AGO1: variants seen among roughly 807,000 people sequenced by gnomAD.
The protein encoded by AGO1 is protein argonaute-1.
AGO1 carries 11 observed loss-of-function variants against 109.2 expected under a neutral mutation model. That is an observed-to-expected ratio of 0.10 (90% CI 0.06 to 0.17). The LOEUF (loss-of-function observed/expected upper bound fraction) is 0.17. Among genes scored for constraint, AGO1 ranks in the 10% least tolerant of loss-of-function variants. AGO1 has a pLI of 1.00. For missense variants in AGO1, 574 were observed against 1,140.3 expected (o/e 0.50, Z 7.15); for synonymous variants, 422 against 418.6 (o/e 1.01, Z -0.10).
At position 35,925,529 on chromosome 1, in the gene AGO1, T is replaced by C. The variant is rs1253996075; in HGVS notation, c.*5922T>C. On this transcript the variant is annotated 3_prime_UTR_variant, in exon 19 of 19. Transcript: ENST00000373204. ...AGGAGCAGAAGCTATATTCTCTTCA[T>C]TTTTGTCATCTCAGGGTCATGGCAT... 2 of 151,276 alleles carry C rather than the reference T, an allele frequency of 1.3e-5. No individual in the cohort carries two copies. The highest frequency in any genetic ancestry group is 4.9e-5 in the African/African-American group (2 of 41,064). The allele number at this position is 151,276 out of a possible 1,614,324, so 9.4% of individuals were successfully genotyped here.
rs138414646 is a variant in AGO1 at position 35,890,432 on chromosome 1, G to A, written c.209+1822G>A. ...CAAAACATAGGGTTCTTTATACATT[G>A]TTCTATACTTTGCATTTTTCCACTT... On this transcript the variant is annotated intron_variant, in intron 2 of 18. Coordinates refer to ENST00000373204, the MANE Select transcript of AGO1 (RefSeq NM_012199.5). Among the ~76,000 whole-genome samples the A allele has an allele frequency of 1.8e-4, 27 of 152,146 alleles. No homozygotes were observed. In the East Asian group the frequency reaches 5.2e-3, roughly 29 times the overall value.
At chr1:35,880,158 T>C (rs2148704801), upstream of AGO1, among the ~76,000 whole-genome samples, 1 of 152,266 alleles carries the variant, frequency 6.6e-6, no homozygotes, top group South Asian at 2.1e-4. Context: ...AGGACAGCAG[T>C]GTATCTGATA....
Position 35,883,471 on chromosome 1 carries a change from G to T in AGO1, c.25+25G>T, listed in dbSNP as rs777980923. 3 of 1,551,406 alleles carry T rather than the reference G, an allele frequency of 1.9e-6. No individual in the cohort carries two copies. Among genetic ancestry groups the T allele is most frequent in the East Asian group, 2.6e-5 (1 of 38,458 alleles). ...GGTAAGGGTCCCCAGGAGGGGGAAC[G>T]GTGCATGCTCCAAGGACTGGGGGAT... On this transcript the variant is annotated intron_variant, in intron 1 of 18. Coordinates refer to ENST00000373204, the MANE Select transcript of AGO1 (RefSeq NM_012199.5). The surrounding 1 kb of genome is among the most constrained non-coding windows in gnomAD (Gnocchi z 5.4).
At chr1:35,878,544 C>A (rs1645010183), upstream of AGO1, among the ~76,000 whole-genome samples, 1 of 152,156 alleles carries the variant, frequency 6.6e-6, no homozygotes, top group Admixed American at 6.5e-5. Context: ...CTGGGGCACA[C>A]TACATGGGGA....
upstream of AGO1, chr1:35,882,870 T>G: frequency 1.0e-6 from 1 of 985,338 alleles, no homozygotes; most frequent in Non-Finnish European, 1.2e-6. This position sits in a 1 kb window ranked among gnomAD's most constrained non-coding sequence, Gnocchi z 5.1. Context: ...CCAGGGGGTC[T>G]GGGAATGAAG....
At chr1:35,913,482 G>A (rs768112862) in intron 12 of AGO1, among the ~76,000 whole-genome samples, 22 of 151,956 alleles carry the variant, frequency 1.4e-4, no homozygotes, top group Non-Finnish European at 3.1e-4. Flanking sequence ...GTGCATTTTT[G>A]CATGTTGTTC....
intron 8 of AGO1, among the ~76,000 whole-genome samples, chr1:35,898,260 CTTT>C (rs1428721236): frequency 7.0e-6 from 1 of 143,202 alleles, no homozygotes. Flanking sequence ...TGTTTAACAT[CTTT>C]TTTTTTTTTT....
chr1:35,887,465 C>A (rs957592366), intron 1 of AGO1, among the ~76,000 whole-genome samples: 21 of 152,234 alleles, frequency 1.4e-4, no homozygotes, highest in Non-Finnish European at 2.8e-4. Flanking sequence ...CTGGATCTGG[C>A]CTTACCCTAT....
chr1:35,911,872 T>C (rs1254149366), intron 12 of AGO1, among the ~76,000 whole-genome samples: 1 of 152,206 alleles, frequency 6.6e-6, no homozygotes, highest in Non-Finnish European at 1.5e-5. Flanking sequence ...GACCACTTGC[T>C]CCTTCTTGAA....
Position 35,895,293 on chromosome 1 carries a change from G to A in AGO1, c.1020+24G>A, listed in dbSNP as rs1645298173. On this transcript the variant is annotated intron_variant, in intron 8 of 18. Coordinates refer to ENST00000373204, the MANE Select transcript of AGO1 (RefSeq NM_012199.5). ...AGGTGAGATTGCCAAGTAATGGCTG[G>A]GGAATAGGCATTGTATATACCTGCA... 2.5e-6 allele frequency: 4 copies of A among 1,606,634 alleles called. No individual in the cohort carries two copies. The South Asian group carries it at 3.3e-5, about 13-fold the overall frequency.
chr1:35,902,179 A>G (rs595961), intron 10 of AGO1, 25 bp from the exon 11 acceptor site: 337,773 of 1,607,214 alleles, frequency 0.21, 62,328 homozygotes, highest in East Asian at 0.79. Flanking sequence ...AGGCTCACCT[A>G]GGCGCCCCCT....
chr1:35,911,972 ATCT>A (rs1254334847), intron 12 of AGO1, among the ~76,000 whole-genome samples: 3 of 152,054 alleles, frequency 2.0e-5, no homozygotes, highest in Non-Finnish European at 2.9e-5. Flanking sequence ...TTGCTGACTC[ATCT>A]TCTTGTTCTG....
intron 8 of AGO1, among the ~76,000 whole-genome samples, chr1:35,900,499 G>A (rs75964625): frequency 0.088 from 13,368 of 151,980 alleles, 2,035 homozygotes; most frequent in East Asian, 0.68. Context: ...AGGCGGAGGT[G>A]GGTGGATCAC....
intron 17 of AGO1, among the ~76,000 whole-genome samples, chr1:35,918,851 C>T (rs750561098): frequency 4.6e-5 from 7 of 152,156 alleles, no homozygotes; most frequent in South Asian, 2.1e-4. Flanking sequence ...CCACTGTGCC[C>T]GGCCAGGACT....
chr1:35,916,085 A>G (rs1645730587), intron 15 of AGO1, among the ~76,000 whole-genome samples: 2 of 151,722 alleles, frequency 1.3e-5, no homozygotes, highest in South Asian at 2.1e-4. Context: ...ATTTAATAGT[A>G]TTATAACTAC....
intron 8 of AGO1, among the ~76,000 whole-genome samples, chr1:35,900,781 G>A (rs1005954465): frequency 1.3e-5 from 2 of 151,662 alleles, no homozygotes; most frequent in Non-Finnish European, 2.9e-5. Flanking sequence ...ATGGTGGCGG[G>A]TGCCTGTAAT....
At chr1:35,884,014 G>A (rs534688473) in intron 1 of AGO1, among the ~76,000 whole-genome samples, 1 of 152,342 alleles carries the variant, frequency 6.6e-6, no homozygotes, top group African/African-American at 2.4e-5. Flanking sequence ...TCCAGAGCAT[G>A]CGCGGAGGTG....
chr1:35,871,471 A>G (rs746748877), intron 1 of AGO1, among the ~76,000 whole-genome samples: 1 of 151,984 alleles, frequency 6.6e-6, no homozygotes, highest in Admixed American at 6.6e-5. Flanking sequence ...TGAACCCAGG[A>G]GGCGGAAGTT....
chr1:35,918,662 C>T (rs1645778485), intron 17 of AGO1, among the ~76,000 whole-genome samples: 1 of 152,148 alleles, frequency 6.6e-6, no homozygotes, highest in Admixed American at 6.5e-5. Flanking sequence ...GTCTTCCTGC[C>T]TTCCCGCCTC....
Sources: gnomAD v4.1 joint callset for allele counts (sites outside exome capture counted in the v4.1 genomes callset) on GRCh38, gnomAD v4.1.1 for gene constraint, Gnocchi (gnomAD v3.1) non-coding constraint, MANE v1.5 for transcripts, NCBI Gene and HGNC (gene_info 2026-07-23, HGNC 2026-07-21) for gene names.